Variants in USP40 observed in about 807,000 individuals in gnomAD.
USP40 encodes the protein ubiquitin specific peptidase 40.
In USP40, 143 loss-of-function variants were observed where a neutral mutation model predicts 166.2. The ratio of observed to expected loss-of-function variants is 0.86; its 90% CI spans 0.75 to 0.99. The LOEUF (loss-of-function observed/expected upper bound fraction) is 0.99. Ranked by LOEUF, USP40 falls within the 50% of genes least tolerant of loss-of-function variation. USP40 has a pLI of 0.00. For missense variants in USP40, 1,444 were observed against 1,479.7 expected, an observed-to-expected ratio of 0.98 and a Z score of 0.40; for synonymous variants, 498 against 524.0, an observed-to-expected ratio of 0.95 and a Z score of 0.68.
At chr2:233,541,969 TATCA>T (rs1224276956) in intron 9 of USP40, among the ~76,000 whole-genome samples, 19 of 152,260 alleles carry the variant, frequency 1.2e-4, no homozygotes, top group Admixed American at 4.6e-4. Context: ...AAAGAATATA[TATCA>T]AAGTGTTAAC....
chr2:233,566,370 G>A (rs1256683778), intron 1 of USP40, among the ~76,000 whole-genome samples: 1 of 152,164 alleles, frequency 6.6e-6, no homozygotes, highest in African/African-American at 2.4e-5. Context: ...GCGCTGAAAT[G>A]CAATTATTTT....
chr2:233,529,509 C>T lies in USP40; in HGVS notation c.1475G>A (p.Arg492Gln), dbSNP rs750834185. 9.5e-6 allele frequency: 15 copies of T among 1,576,430 alleles called. No homozygotes were observed. Among genetic ancestry groups the T allele is most frequent in the East Asian group, 2.3e-5 (1 of 43,976 alleles). The stretch of plus-strand genomic sequence containing the variant: ...TGGAACCCCATATCTTGGATTAGCT[C>T]GAGCTGTGAACAAAATTTTTCATTA... ...KSQLQRPPEA[R>Q]ANPRYGVPCH... The change falls in exon 12 of 32, where the codon CGA becomes CAA. Residue 492 changes from arginine to glutamine, a missense_variant. Coordinates refer to ENST00000678225, the MANE Select transcript of USP40 (RefSeq NM_001365479.2).
Position 233,562,457 on chromosome 2 carries a change from T to A in USP40, c.267+279A>T, listed in dbSNP as rs1363199775. Among the ~76,000 whole-genome samples, 8 of 150,568 alleles carry A rather than the reference T, an allele frequency of 5.3e-5. No individual in the cohort carries two copies. The East Asian group carries it at 1.6e-3, about 29-fold the overall frequency. On this transcript the variant is annotated intron_variant, in intron 3 of 31. Transcript: ENST00000678225. ...GGAAATCATCATTCTCAGTAAACTATCGCAAGAACAAAAAACCAAACACCA... is the reference window on the plus strand; with the variant it reads ...GGAAATCATCATTCTCAGTAAACTAACGCAAGAACAAAAAACCAAACACCA...
intron 21 of USP40, among the ~76,000 whole-genome samples, chr2:233,505,321 G>A (rs1428533406): frequency 6.6e-6 from 1 of 151,998 alleles, no homozygotes; most frequent in Non-Finnish European, 1.5e-5. Flanking sequence ...AAAAGAAGCA[G>A]AAGGGAATAA....
At chr2:233,529,199 T>C (rs1255699944) in intron 12 of USP40, among the ~76,000 whole-genome samples, 2 of 152,250 alleles carry the variant, frequency 1.3e-5, no homozygotes, top group South Asian at 2.1e-4. Flanking sequence ...CTTCGATCCC[T>C]ACTTAGCAAT....
intron 7 of USP40, among the ~76,000 whole-genome samples, chr2:233,549,598 CTATT>C (rs1359776803): frequency 2.0e-5 from 3 of 151,878 alleles, no homozygotes; most frequent in African/African-American, 7.3e-5. Context: ...CGTACAATAC[CTATT>C]TACGCTGCTT....
intron 28 of USP40, among the ~76,000 whole-genome samples, chr2:233,487,514 AAAATT>A (rs1224933104): frequency 1.3e-5 from 2 of 152,244 alleles, no homozygotes; most frequent in Non-Finnish European, 2.9e-5. Flanking sequence ...TAAAAACACT[AAAATT>A]AAATACATGT....
intron 24 of USP40, among the ~76,000 whole-genome samples, chr2:233,495,175 C>T (rs1474278927): frequency 6.6e-6 from 1 of 150,974 alleles, no homozygotes; most frequent in Non-Finnish European, 1.5e-5. Flanking sequence ...ACAGCATACA[C>T]TAGGAGATAA....
chr2:233,542,556 T>TA (rs1393405928), intron 8 of USP40, 193 bp from the exon 9 acceptor site: 20 of 431,236 alleles, frequency 4.6e-5, no homozygotes, highest in East Asian at 8.2e-5. Flanking sequence ...TACAAAAAGA[T>TA]AAAAAAAATT....
At chr2:233,495,019 A>T (rs1189588415) in intron 24 of USP40, among the ~76,000 whole-genome samples, 1 of 135,836 alleles carries the variant, frequency 7.4e-6, no homozygotes, top group Non-Finnish European at 1.6e-5. Flanking sequence ...AAATATATAA[A>T]ATAAATATAT....
At chr2:233,554,772 A>G (rs924873619) in intron 5 of USP40, among the ~76,000 whole-genome samples, 1 of 152,236 alleles carries the variant, frequency 6.6e-6, no homozygotes, top group African/African-American at 2.4e-5. Context: ...TTTACCAAAG[A>G]TACAATAAAA....
At position 233,549,227 on chromosome 2, in the gene USP40, A is replaced by T; in HGVS notation, c.840T>A (p.Ser280Arg). 7.2e-7 allele frequency: 1 copy of T among 1,395,500 alleles called. No homozygotes were observed. The highest frequency in any genetic ancestry group is 2.4e-5 in the East Asian group (1 of 41,752). The allele number at this position is 1,395,500 out of a possible 1,614,324, so 86.4% of individuals were successfully genotyped here. The change falls in exon 8 of 32, where the codon AGT (serine) becomes AGA (arginine). Residue 280 changes from serine (S) to arginine (R), a missense_variant and splice_region_variant. Physicochemically the swap from Ser to Arg is moderately radical, Grantham distance 110. Coordinates refer to ENST00000678225, the MANE Select transcript of USP40 (RefSeq NM_001365479.2). ...RINLKPFCEQSELDDLEYIYD... is the reference protein window; with the variant it reads ...RINLKPFCEQRELDDLEYIYD... ...ATATATATTCTAAGTCATCCAATTCACTCTAAAAGAAAAAAGAACAAAAAT... is the reference window on the plus strand; with the variant it reads ...ATATATATTCTAAGTCATCCAATTCTCTCTAAAAGAAAAAAGAACAAAAAT...
chr2:233,499,756 T>C, intron 22 of USP40, 123 bp downstream of exon 22: 1 of 737,588 alleles, frequency 1.4e-6, no homozygotes, highest in African/African-American at 1.8e-5. Context: ...TATGGAAGTG[T>C]AAACTACTTT....
intron 21 of USP40, among the ~76,000 whole-genome samples, chr2:233,508,253 C>G (rs1023207615): frequency 6.6e-6 from 1 of 152,218 alleles, no homozygotes; most frequent in Non-Finnish European, 1.5e-5. Flanking sequence ...CATTTCTCTA[C>G]TTTCTCTTAA....
At chr2:233,538,040 T>C (rs926078287) in intron 10 of USP40, among the ~76,000 whole-genome samples, 2 of 152,168 alleles carry the variant, frequency 1.3e-5, no homozygotes, top group Admixed American at 6.5e-5. Context: ...AATGAAATTA[T>C]ACTATTGTAA....
rs999339009 is a variant in USP40, at chr2:233,562,745, G to A, written c.258C>T (p.Pro86=). 7.2e-6 allele frequency: 11 copies of A among 1,520,964 alleles called. No individual in the cohort carries two copies. Among genetic ancestry groups the A allele is most frequent in the East Asian group, 2.5e-5 (1 of 40,202 alleles). 94.2% of individuals were successfully genotyped at this position (1,520,964 alleles called of 1,614,324 possible). A position where few individuals can be genotyped will look rare whatever the true frequency, so the allele number is the denominator to read the frequency against. ...ELGLFEDKDK[P]DAKVRIIPLQ... Reference sequence around the variant, plus strand: ...ATAATAATAAAAATACCTTTGCATCGGGTTTATCCTTATCTTCAAACAAAC... The same window carrying A: ...ATAATAATAAAAATACCTTTGCATCAGGTTTATCCTTATCTTCAAACAAAC... The change falls in exon 3 of 32, where the codon CCC becomes CCT. Residue 86 remains proline, a synonymous_variant. Transcript: ENST00000678225.
At chr2:233,508,523 T>C (rs1003316484) in intron 21 of USP40, among the ~76,000 whole-genome samples, 2 of 152,218 alleles carry the variant, frequency 1.3e-5, no homozygotes, top group Non-Finnish European at 2.9e-5. Flanking sequence ...TCCAGTTGTT[T>C]GGTTTTTTGC....
Position 233,545,680 on chromosome 2 carries a change from C to G in USP40, c.967-3317G>C, listed in dbSNP as rs762571891. 32 of 187,330 alleles carry G rather than the reference C, an allele frequency of 1.7e-4. 2 individuals are homozygous for G. The highest frequency in any genetic ancestry group is 1.1e-5 in the Non-Finnish European group (1 of 87,098). 11.6% of individuals were successfully genotyped at this position (187,330 alleles called of 1,614,324 possible). ...TGGCTTTAACCCAGAGAAAATTACA[C>G]GAGATTGGTCCTGAAAACTACTCCT... On this transcript the variant is annotated intron_variant, in intron 8 of 31. Coordinates refer to ENST00000678225, the MANE Select transcript of USP40 (RefSeq NM_001365479.2).
At chr2:233,498,882 A>G (rs1483945828) in intron 22 of USP40, among the ~76,000 whole-genome samples, 1 of 152,214 alleles carries the variant, frequency 6.6e-6, no homozygotes, top group Admixed American at 6.5e-5. Flanking sequence ...ACATTCCGTC[A>G]TCTATACCAC....
Sources: allele counts gnomAD v4.1 joint callset (sites outside exome capture counted in the v4.1 genomes callset), GRCh38; gene constraint gnomAD v4.1.1; transcripts MANE v1.5; gene names NCBI Gene and HGNC (gene_info 2026-07-23, HGNC 2026-07-21).